The following CTTNBP2 variants were observed in gnomAD, a reference collection of about 807,000 sequenced individuals.
The protein encoded by CTTNBP2 is cortactin-binding protein 2.
Under a neutral mutation model 156.9 loss-of-function variants are expected in CTTNBP2, and 108 were observed. That is an observed-to-expected ratio of 0.69 (90% CI 0.59 to 0.81). The LOEUF (loss-of-function observed/expected upper bound fraction) is 0.81, where lower values mean the gene tolerates loss of function less well. Ranked by LOEUF, CTTNBP2 falls within the 30% of genes least tolerant of loss-of-function variation. CTTNBP2 has a pLI of 0.00. For synonymous variants in CTTNBP2, 767 were observed against 751.8 expected (o/e 1.02, Z -0.33); for missense variants, 1,924 against 2,035.4 (o/e 0.95, Z 1.05).
At chr7:117,811,724 C>CA (rs1414383857) in intron 2 of CTTNBP2, among the ~76,000 whole-genome samples, 2 of 151,720 alleles carry the variant, frequency 1.3e-5, no homozygotes, top group Admixed American at 6.6e-5. Flanking sequence ...ATCACGCATA[C>CA]AAAAAATCCC....
rs1798181848 is a variant in CTTNBP2, at chr7:117,777,683, G to A, written c.2606C>T (p.Ala869Val). Residue 869 changes from alanine (A) to valine (V), a missense_variant, in exon 8 of 23, where the codon GCT becomes GTT. By Grantham distance (64) the Ala-to-Val change is moderately conservative. Coordinates refer to ENST00000160373, the MANE Select transcript of CTTNBP2 (RefSeq NM_033427.3). ...LKLLMYHRIP[A>V]HGNSFNEEES... The stretch of plus-strand genomic sequence containing the variant: ...CTCCTCATTGAAAGAATTTCCATGA[G>A]CTGGTATTCTATGGTACATAAGAAG... 6.2e-7 allele frequency: 1 copy of A among 1,614,062 alleles called. No homozygotes were observed. The highest frequency in any genetic ancestry group is 2.2e-5 in the East Asian group (1 of 44,892).
At chr7:117,766,933 T>C (rs1309226647) in intron 9 of CTTNBP2, 126 bp downstream of exon 9, 1 of 648,956 alleles carries the variant, frequency 1.5e-6, no homozygotes, top group African/African-American at 1.8e-5. Context: ...TCAGTATTTT[T>C]GCCATAGCTA....
chr7:117,784,377 G>A lies in CTTNBP2; in HGVS notation c.2146C>T (p.Gln716Ter). Residue 716 changes from glutamine (Q) to a stop codon, truncating the protein, a stop_gained, in exon 5 of 23, where the codon CAA (glutamine) becomes TAA (stop). Coordinates refer to ENST00000160373, the MANE Select transcript of CTTNBP2 (RefSeq NM_033427.3). LOFTEE classifies it high-confidence loss of function. Reference protein sequence around the residue: ...PLAGRPTLLQQAAAQGNVTLL... With the variant: ...PLAGRPTLLQ ...GTGACATTTCCCTGGGCAGCAGCTTGCTGAAGAAGGGTGGGCCTGCCAGCC... is the reference window on the plus strand; with the variant it reads ...GTGACATTTCCCTGGGCAGCAGCTTACTGAAGAAGGGTGGGCCTGCCAGCC... 6.2e-7 allele frequency: 1 copy of A among 1,613,758 alleles called. No individual in the cohort carries two copies. Among genetic ancestry groups the A allele is most frequent in the South Asian group, 1.1e-5 (1 of 90,988 alleles).
At chr7:117,871,105 C>G (rs1804565390) in intron 1 of CTTNBP2, among the ~76,000 whole-genome samples, 2 of 152,100 alleles carry the variant, frequency 1.3e-5, no homozygotes, top group Non-Finnish European at 2.9e-5. Context: ...TGAAAGTCAA[C>G]AAATCTCCAA....
intron 17 of CTTNBP2, 35 bp downstream of exon 17, chr7:117,728,054 T>C: frequency 1.9e-6 from 3 of 1,591,804 alleles, no homozygotes; most frequent in Non-Finnish European, 2.6e-6. Flanking sequence ...CACGTCTCTA[T>C]CATAAGCAGA....
At chr7:117,810,307 T>TC (rs1226948065) in intron 3 of CTTNBP2, among the ~76,000 whole-genome samples, 1 of 151,836 alleles carries the variant, frequency 6.6e-6, no homozygotes, top group Non-Finnish European at 1.5e-5. Context: ...TATTTTCATT[T>TC]CCCCCCGCCA....
At chr7:117,771,893 C>A (rs1005471898) in intron 8 of CTTNBP2, among the ~76,000 whole-genome samples, 4 of 152,116 alleles carry the variant, frequency 2.6e-5, no homozygotes, top group African/African-American at 9.7e-5. Flanking sequence ...GTTTTCCAGG[C>A]AGAGAGGGGT....
intron 3 of CTTNBP2, among the ~76,000 whole-genome samples, chr7:117,798,706 G>A (rs1799454199): frequency 6.6e-6 from 1 of 151,960 alleles, no homozygotes; most frequent in Non-Finnish European, 1.5e-5. Flanking sequence ...TAAATCCAAA[G>A]TAGAAGGAAT....
intron 12 of CTTNBP2, among the ~76,000 whole-genome samples, chr7:117,753,534 G>C (rs1303122073): frequency 6.6e-6 from 1 of 152,158 alleles, no homozygotes; most frequent in African/African-American, 2.4e-5. Context: ...ACTGGATAAA[G>C]AAAATGTGGT....
chr7:117,730,971 C>T (rs753390080), intron 16 of CTTNBP2, among the ~76,000 whole-genome samples: 6 of 152,028 alleles, frequency 3.9e-5, no homozygotes, highest in Non-Finnish European at 7.4e-5. Context: ...ATTAGAATAG[C>T]TTCATGTCCA....
rs768638495 is a variant in CTTNBP2, at chr7:117,735,018, G to A, written c.3771C>T (p.Ser1257=). ...GTIAKACLQG[S]DLLVQQHFRW... is the part of the protein sequence containing the mutation. ...GGAAATGCTGCTGCACCAGCAAGTC[G>A]GAGCCCTGGAGACAGGCCTTGGCGA... The change falls in exon 16 of 23, where the codon TCC becomes TCT. Residue 1257 remains serine, a synonymous_variant. Transcript: ENST00000160373. 1.9e-5 allele frequency: 30 copies of A among 1,614,200 alleles called. No individual in the cohort carries two copies. Among genetic ancestry groups the A allele is most frequent in the Non-Finnish European group, 2.2e-5 (26 of 1,180,028 alleles).
At chr7:117,839,385 C>CTT (rs1802146221) in intron 2 of CTTNBP2, among the ~76,000 whole-genome samples, 1 of 152,162 alleles carries the variant, frequency 6.6e-6, no homozygotes, top group African/African-American at 2.4e-5. Context: ...GCAGTCTGGA[C>CTT]TTTAGTTCCT....
intron 21 of CTTNBP2, 82 bp downstream of exon 21, chr7:117,719,422 T>G: frequency 7.6e-7 from 1 of 1,312,498 alleles, no homozygotes; most frequent in Non-Finnish European, 1.0e-6. Flanking sequence ...AATAAGGAAT[T>G]TCTTTTAGGG....
At chr7:117,713,411 A>G (rs1424294219) in intron 22 of CTTNBP2, among the ~76,000 whole-genome samples, 1 of 152,074 alleles carries the variant, frequency 6.6e-6, no homozygotes, top group Non-Finnish European at 1.5e-5. Context: ...TATTTATTGC[A>G]TTTCTTCAAT....
chr7:117,764,213 T>A (rs1014372989), intron 9 of CTTNBP2, among the ~76,000 whole-genome samples: 1 of 152,206 alleles, frequency 6.6e-6, no homozygotes, highest in Non-Finnish European at 1.5e-5. Context: ...GTTCAATTGT[T>A]CATTCATGTC....
chr7:117,836,984 A>G (rs1373225567), intron 2 of CTTNBP2, among the ~76,000 whole-genome samples: 1 of 152,222 alleles, frequency 6.6e-6, no homozygotes, highest in Non-Finnish European at 1.5e-5. Context: ...GATACAGCCA[A>G]ACCATATCAC....
intron 12 of CTTNBP2, among the ~76,000 whole-genome samples, chr7:117,756,192 T>G: frequency 6.6e-6 from 1 of 152,220 alleles, no homozygotes. Context: ...TACTCAATTT[T>G]AAATTATAAA....
At chr7:117,832,847 A>C (rs895295025) in intron 2 of CTTNBP2, among the ~76,000 whole-genome samples, 2 of 150,222 alleles carry the variant, frequency 1.3e-5, no homozygotes, top group African/African-American at 4.9e-5. Flanking sequence ...CCTGGGTTCA[A>C]GCAATTCTCC....
intron 4 of CTTNBP2, among the ~76,000 whole-genome samples, chr7:117,785,675 A>G (rs1375485808): frequency 6.6e-6 from 1 of 152,258 alleles, no homozygotes; most frequent in Non-Finnish European, 1.5e-5. Context: ...TACTAGCTGC[A>G]GTAAAATTTT....
Sources: gnomAD v4.1 joint callset for allele counts (sites outside exome capture counted in the v4.1 genomes callset) on GRCh38, gnomAD v4.1.1 for gene constraint, MANE v1.5 for transcripts, NCBI Gene and HGNC (gene_info 2026-07-23, HGNC 2026-07-21) for gene names.